The following VPS50 variants were observed in gnomAD, a reference collection of about 807,000 sequenced individuals.
VPS50 encodes VPS50 subunit of EARP/GARPII complex.
In VPS50, 70 loss-of-function variants were observed where a neutral mutation model predicts 139.7. That is an observed-to-expected ratio of 0.50 (90% CI 0.41 to 0.61). The LOEUF is 0.61. VPS50 is among the 20% of genes least tolerant of loss of function. The pLI, the probability that VPS50 is intolerant of heterozygous loss-of-function variation, is 0.00. For synonymous variants in VPS50, 365 were observed against 376.7 expected, an observed-to-expected ratio of 0.97 and a Z score of 0.36; for missense variants, 921 against 1,133.7, an observed-to-expected ratio of 0.81 and a Z score of 2.69.
chr7:93,323,559 T>TAACA (rs1209149382), intron 20 of VPS50, 52 bp from the exon 21 acceptor site: 2 of 712,068 alleles, frequency 2.8e-6, no homozygotes, highest in Non-Finnish European at 4.1e-6. Flanking sequence ...AATTATAGAC[T>TAACA]AACAGATTTT....
chr7:93,240,132 T>C (rs989558206), intron 2 of VPS50, among the ~76,000 whole-genome samples, 198 bp downstream of exon 2: 5 of 151,994 alleles, frequency 3.3e-5, no homozygotes, highest in Non-Finnish European at 7.4e-5. Flanking sequence ...TGATGCATTA[T>C]AGCAAAGCAA....
intron 1 of VPS50, among the ~76,000 whole-genome samples, chr7:93,237,707 G>T (rs752372139): frequency 2.0e-5 from 3 of 152,108 alleles, no homozygotes; most frequent in Non-Finnish European, 4.4e-5. Context: ...TGGTTTTATT[G>T]AGATTATTAA....
intron 22 of VPS50, among the ~76,000 whole-genome samples, chr7:93,337,833 C>T (rs1041626503): frequency 2.0e-5 from 3 of 152,042 alleles, no homozygotes; most frequent in African/African-American, 7.2e-5. Flanking sequence ...TGAACATCTC[C>T]AGTGATGTTT....
At chr7:93,329,006 G>A (rs933528438) in intron 21 of VPS50, among the ~76,000 whole-genome samples, 1 of 152,110 alleles carries the variant, frequency 6.6e-6, no homozygotes, top group Non-Finnish European at 1.5e-5. Context: ...CTTATGTACT[G>A]AAAACAAAGG....
chr7:93,322,328 G>A (rs945627583), intron 20 of VPS50, among the ~76,000 whole-genome samples: 105 of 152,220 alleles, frequency 6.9e-4, no homozygotes, highest in Middle Eastern at 3.4e-3. Flanking sequence ...GGCCGGGCGC[G>A]GTGGCTCACG....
intron 23 of VPS50, among the ~76,000 whole-genome samples, chr7:93,347,756 C>T (rs527732013): frequency 1.4e-5 from 2 of 141,816 alleles, no homozygotes; most frequent in Non-Finnish European, 3.0e-5. Flanking sequence ...TATTCTCACT[C>T]ATAGGTGGGA....
intron 25 of VPS50, among the ~76,000 whole-genome samples, chr7:93,350,272 G>A (rs765039306): frequency 3.3e-5 from 5 of 152,086 alleles, no homozygotes; most frequent in South Asian, 2.1e-4. Flanking sequence ...GTTGTATGTC[G>A]TGGCTGACTT....
rs149618696 is a variant in VPS50 at position 93,253,062 on chromosome 7, CTA to C, written c.225+289_225+290del. ...CTGTTTCTATCCTATTTTATAGTAT[CTA>C]TGTTTAGAGAAGCTCAGACTTTTAA... On this transcript the variant is annotated intron_variant, in intron 3 of 27. Coordinates refer to ENST00000305866, the MANE Select transcript of VPS50 (RefSeq NM_017667.4). Among the ~76,000 whole-genome samples, 98 of 152,178 alleles carry C rather than the reference CTA, an allele frequency of 6.4e-4. No homozygotes were observed. In the East Asian group the frequency reaches 0.019, roughly 29 times the overall value.
intron 2 of VPS50, among the ~76,000 whole-genome samples, chr7:93,245,159 T>G (rs1451676007): frequency 6.6e-6 from 1 of 151,742 alleles, no homozygotes; most frequent in Non-Finnish European, 1.5e-5. Flanking sequence ...TTCAGGATCT[T>G]TTAGAGTTGG....
intron 21 of VPS50, among the ~76,000 whole-genome samples, chr7:93,333,238 ACTCT>A (rs142403416): frequency 1.3e-5 from 2 of 152,108 alleles, no homozygotes; most frequent in African/African-American, 4.8e-5. Context: ...TTCACGTAAG[ACTCT>A]CTGACACGTG....
intron 16 of VPS50, among the ~76,000 whole-genome samples, chr7:93,298,201 A>G (rs1303631505): frequency 6.6e-6 from 1 of 152,210 alleles, no homozygotes; most frequent in Non-Finnish European, 1.5e-5. Flanking sequence ...GAACTATACT[A>G]AAGCAGAGCC....
intron 8 of VPS50, 137 bp downstream of exon 8, chr7:93,258,529 G>A (rs1037957422): frequency 2.4e-5 from 16 of 667,064 alleles, no homozygotes; most frequent in South Asian, 6.1e-5. Context: ...ATTTTTAGAC[G>A]TCAAAGATTC....
intron 18 of VPS50, among the ~76,000 whole-genome samples, chr7:93,306,950 A>ATTCT (rs1369217786): frequency 1.3e-5 from 2 of 151,858 alleles, no homozygotes; most frequent in African/African-American, 2.4e-5. Flanking sequence ...TGATTCAGTG[A>ATTCT]TTCTTTGTGA....
intron 23 of VPS50, among the ~76,000 whole-genome samples, chr7:93,348,386 C>G (rs986613265): frequency 6.6e-6 from 1 of 152,012 alleles, no homozygotes; most frequent in Non-Finnish European, 1.5e-5. Context: ...AAAAAAATAC[C>G]CTTGTGTTCT....
intron 23 of VPS50, 21 bp downstream of exon 23, chr7:93,341,596 G>C (rs768986759): frequency 6.5e-7 from 1 of 1,548,312 alleles, no homozygotes; most frequent in Non-Finnish European, 8.7e-7. Flanking sequence ...CAAAACAGTT[G>C]CGTTGCCATT....
rs914101679 is a variant in VPS50, at chr7:93,359,232, G to GT, written c.*803dup. Reference sequence around the variant, plus strand: ...TTATCTTTCTTTATAAAAATATGTGGTTTTTTTGTTGAAAGTTTTGGTCTC... The same window carrying GT: ...TTATCTTTCTTTATAAAAATATGTGGTTTTTTTTGTTGAAAGTTTTGGTCTC... On this transcript the variant is annotated 3_prime_UTR_variant, in exon 28 of 28. Coordinates refer to ENST00000305866, the MANE Select transcript of VPS50 (RefSeq NM_017667.4). 7 of 151,842 alleles carry GT rather than the reference G, an allele frequency of 4.6e-5. No individual in the cohort carries two copies. Among genetic ancestry groups the GT allele is most frequent in the African/African-American group, 1.7e-4 (7 of 41,292 alleles). The allele number at this position is 151,842 out of a possible 1,614,324, so 9.4% of individuals were successfully genotyped here.
chr7:93,335,889 G>A (rs1294766975), intron 22 of VPS50, among the ~76,000 whole-genome samples: 1 of 152,134 alleles, frequency 6.6e-6, no homozygotes. Flanking sequence ...TTAAGATGTG[G>A]ATTTCTGCCT....
intron 12 of VPS50, among the ~76,000 whole-genome samples, chr7:93,283,942 A>G (rs567148167): frequency 6.9e-4 from 105 of 152,176 alleles, no homozygotes; most frequent in Non-Finnish European, 6.6e-4. Flanking sequence ...TATGGAGCAC[A>G]TGCTTTGGGT....
chr7:93,313,688 T>C (rs558390233), intron 20 of VPS50, among the ~76,000 whole-genome samples: 1 of 152,326 alleles, frequency 6.6e-6, no homozygotes, highest in African/African-American at 2.4e-5. Context: ...TGAGGATTAC[T>C]GATCAACATA....
Sources: gnomAD v4.1 joint callset for allele counts (sites outside exome capture counted in the v4.1 genomes callset) on GRCh38, gnomAD v4.1.1 for gene constraint, MANE v1.5 for transcripts, NCBI Gene and HGNC (gene_info 2026-07-23, HGNC 2026-07-21) for gene names.